Variants in COL6A6 observed in about 807,000 individuals in gnomAD.
COL6A6 encodes the protein collagen type VI alpha 6 chain.
COL6A6 carries 183 observed loss-of-function variants against 208.6 expected under a neutral mutation model. The observed-to-expected ratio is 0.88, with a 90% CI of 0.78 to 0.99. The LOEUF is 0.99. Ranked by LOEUF, COL6A6 falls within the 50% of genes least tolerant of loss-of-function variation. COL6A6 has a pLI of 0.00. For synonymous variants in COL6A6, 973 were observed against 1,011.8 expected (o/e 0.96, Z 0.73); for missense variants, 2,816 against 2,815.2 (o/e 1.00, Z -0.01).
At chr3:130,567,296 C>A in intron 5 of COL6A6, 34 bp downstream of exon 5, 1 of 1,501,880 alleles carries the variant, frequency 6.7e-7, no homozygotes, top group Non-Finnish European at 9.0e-7. Context: ...TACTGACCTT[C>A]ACTCGCAAAT....
chr3:130,604,998 C>A (rs779286682), intron 20 of COL6A6, among the ~76,000 whole-genome samples: 4 of 152,218 alleles, frequency 2.6e-5, no homozygotes, highest in Non-Finnish European at 5.9e-5. Flanking sequence ...GTTGTGGGGA[C>A]CTTTCAGCCT....
At chr3:130,644,429 G>A (rs2065407342) in intron 31 of COL6A6, among the ~76,000 whole-genome samples, 2 of 152,216 alleles carry the variant, frequency 1.3e-5, no homozygotes, top group African/African-American at 4.8e-5. Flanking sequence ...TTTAATAGCT[G>A]CATGTGGCTT....
intron 13 of COL6A6, 33 bp from the exon 14 acceptor site, chr3:130,592,508 A>G: frequency 6.6e-7 from 1 of 1,520,002 alleles, no homozygotes; most frequent in Non-Finnish European, 8.9e-7. Flanking sequence ...ATTACAATAG[A>G]AAAAGCTCAT....
intron 20 of COL6A6, among the ~76,000 whole-genome samples, chr3:130,600,302 T>C (rs2063975000): frequency 6.6e-6 from 1 of 152,198 alleles, no homozygotes. Flanking sequence ...TGGAAGACAG[T>C]ATGACAATTC....
intron 20 of COL6A6, among the ~76,000 whole-genome samples, chr3:130,604,021 A>T (rs1483782064): frequency 6.6e-6 from 1 of 152,200 alleles, no homozygotes; most frequent in Non-Finnish European, 1.5e-5. Flanking sequence ...TAGATGTGTT[A>T]TCAGACATTT....
chr3:130,603,722 C>A (rs1174795148), intron 20 of COL6A6, among the ~76,000 whole-genome samples: 1 of 152,152 alleles, frequency 6.6e-6, no homozygotes, highest in Non-Finnish European at 1.5e-5. Flanking sequence ...TACAGGCATT[C>A]TGAAGTGGTG....
chr3:130,612,208 T>C (rs561705149), intron 23 of COL6A6, among the ~76,000 whole-genome samples: 1 of 152,344 alleles, frequency 6.6e-6, no homozygotes, highest in African/African-American at 2.4e-5. Context: ...GTTGATTCCA[T>C]GTCTTTGCTA....
chr3:130,674,543 C>T (rs1311115213), intron 36 of COL6A6, among the ~76,000 whole-genome samples: 4 of 152,150 alleles, frequency 2.6e-5, no homozygotes, highest in East Asian at 3.8e-4. Flanking sequence ...TACCTAACAC[C>T]GTGCCTTCTA....
intron 1 of COL6A6, among the ~76,000 whole-genome samples, chr3:130,544,586 A>G (rs564905697): frequency 6.6e-6 from 1 of 152,112 alleles, no homozygotes; most frequent in East Asian, 1.9e-4. Flanking sequence ...ACGTAGTTCT[A>G]TTTCTGATTT....
chr3:130,642,413 G>A (rs2065343218), intron 29 of COL6A6, among the ~76,000 whole-genome samples: 1 of 152,156 alleles, frequency 6.6e-6, no homozygotes, highest in Non-Finnish European at 1.5e-5. Context: ...CAGTGGCTCA[G>A]TCAAAGAATG....
intron 20 of COL6A6, among the ~76,000 whole-genome samples, chr3:130,604,019 T>C (rs1205777492): frequency 6.6e-6 from 1 of 152,204 alleles, no homozygotes; most frequent in Non-Finnish European, 1.5e-5. Context: ...TCTAGATGTG[T>C]TATCAGACAT....
chr3:130,551,214 C>T (rs1345327756), intron 1 of COL6A6, among the ~76,000 whole-genome samples: 1 of 151,966 alleles, frequency 6.6e-6, no homozygotes, highest in Non-Finnish European at 1.5e-5. Context: ...CCCTCCACCT[C>T]AAGTTTTAGA....
At chr3:130,649,961 G>A (rs1315319893) in intron 33 of COL6A6, among the ~76,000 whole-genome samples, 2 of 152,166 alleles carry the variant, frequency 1.3e-5, no homozygotes. Context: ...TGAATCAGGA[G>A]GCCGGTAAAC....
chr3:130,564,272 C>T (rs558344706), intron 3 of COL6A6, among the ~76,000 whole-genome samples: 1 of 152,326 alleles, frequency 6.6e-6, no homozygotes, highest in African/African-American at 2.4e-5. Flanking sequence ...AATTAGTTTT[C>T]CCTGTGTTCT....
chr3:130,597,120 G>A (rs2063874108), intron 18 of COL6A6, among the ~76,000 whole-genome samples: 1 of 152,150 alleles, frequency 6.6e-6, no homozygotes, highest in Non-Finnish European at 1.5e-5. Flanking sequence ...GGGCTTTTAT[G>A]TCCAGTGAAA....
In COL6A6 at chr3:130,664,992, T is replaced by C; in HGVS notation, c.6503-11T>C. 1 of 1,556,468 alleles carries C rather than the reference T, an allele frequency of 6.4e-7. No individual in the cohort carries two copies. The highest frequency in any genetic ancestry group is 8.8e-7 in the Non-Finnish European group (1 of 1,136,478). On this transcript the variant is annotated splice_polypyrimidine_tract_variant and intron_variant, in intron 35 of 36. Coordinates refer to ENST00000358511, the MANE Select transcript of COL6A6 (RefSeq NM_001102608.3). ...TGAATACAAGACTTATCACAGACTT[T>C]TCTCTTCTAGGTGCAATCAACAAAT... is the stretch of plus-strand genomic sequence containing the variant.
At chr3:130,592,288 G>C (rs1403974745) in intron 13 of COL6A6, among the ~76,000 whole-genome samples, 3 of 152,176 alleles carry the variant, frequency 2.0e-5, no homozygotes, top group Non-Finnish European at 4.4e-5. Flanking sequence ...AGGTTGGAAG[G>C]ACGTAACTTG....
In COL6A6 at chr3:130,662,183, A is replaced by G. The variant is rs1280202936; in HGVS notation, c.6377A>G (p.Asp2126Gly). The G allele has an allele frequency of 1.2e-6, 2 of 1,613,918 alleles. No homozygotes were observed. ...TTTTCCCTTGGCCCTATTTGGGATGACAAGGAACTGGAGGATCTCGCCAGC... is the reference window on the plus strand; with the variant it reads ...TTTTCCCTTGGCCCTATTTGGGATGGCAAGGAACTGGAGGATCTCGCCAGC... ...FVFSLGPIWDDKELEDLASHP... is the reference protein window; with the variant it reads ...FVFSLGPIWDGKELEDLASHP... Residue 2126 changes from aspartate to glycine, a missense_variant, in exon 35 of 37, where the codon GAC becomes GGC. Physicochemically the swap from Asp to Gly is moderately conservative, Grantham distance 94. Coordinates refer to ENST00000358511, the MANE Select transcript of COL6A6 (RefSeq NM_001102608.3).
chr3:130,562,579 G>T (rs555704568), intron 2 of COL6A6, among the ~76,000 whole-genome samples: 12 of 152,178 alleles, frequency 7.9e-5, no homozygotes, highest in African/African-American at 2.7e-4. Flanking sequence ...ATAAACTGTT[G>T]TGTTGCTTAA....
Sources: allele counts gnomAD v4.1 joint callset (sites outside exome capture counted in the v4.1 genomes callset), GRCh38; gene constraint gnomAD v4.1.1; transcripts MANE v1.5; gene names NCBI Gene and HGNC (gene_info 2026-07-23, HGNC 2026-07-21).